The following NOP53 variants were observed in gnomAD, a reference collection of about 807,000 sequenced individuals.
The protein encoded by NOP53 is ribosome biogenesis protein NOP53.
Under a neutral mutation model 61.0 loss-of-function variants are expected in NOP53, and 40 were observed. The ratio of observed to expected loss-of-function variants is 0.66; its 90% CI spans 0.51 to 0.85. The LOEUF is 0.85. Ranked by LOEUF, NOP53 falls within the 40% of genes least tolerant of loss-of-function variation. The pLI is 0.00. For missense variants in NOP53, 689 were observed against 652.9 expected (o/e 1.06, Z -0.60); for synonymous variants, 308 against 289.5 (o/e 1.06, Z -0.65).
At chr19:47,756,043 G>C (rs997641341) in intron 10 of NOP53, 33 of 584,126 alleles carry the variant, frequency 5.6e-5, no homozygotes, top group Non-Finnish European at 9.5e-5. Context: ...TTTCCTTCCA[G>C]CTGGTCCCTG....
At position 47,754,583 on chromosome 19, in the gene NOP53, G is replaced by T. The variant is rs1178616270; in HGVS notation, c.822G>T (p.Lys274Asn). 1.3e-6 allele frequency: 2 copies of T among 1,552,728 alleles called. No homozygotes were observed. Among genetic ancestry groups the T allele is most frequent in the East Asian group, 4.8e-5 (2 of 41,286 alleles). ...TGCAGCGGCAGAAGGAGGCGGAGAA[G>T]CTGGAGCGGCAGCTGGCCCTGCCCG... The part of the protein sequence containing the change: ...VELQRQKEAE[K>N]LERQLALPAT... Residue 274 changes from lysine to asparagine, a missense_variant, in exon 7 of 13, where the codon AAG becomes AAT. By Grantham distance (94) the Lys-to-Asn change is moderately conservative (BLOSUM62 0). Coordinates refer to ENST00000246802, the MANE Select transcript of NOP53 (RefSeq NM_015710.5). This position sits in a 1 kb window ranked among gnomAD's most constrained non-coding sequence, Gnocchi z 4.2.
intron 10 of NOP53, chr19:47,756,141 G>A (rs937669043): frequency 3.9e-5 from 20 of 509,362 alleles, no homozygotes; most frequent in African/African-American, 5.7e-5. Flanking sequence ...ACCTGCTGTG[G>A]CTCCCCAGTG....
Position 47,757,027 on chromosome 19 carries a change from T to C in NOP53, c.*22T>C. The C allele has an allele frequency of 6.2e-7, 1 of 1,613,144 alleles. No individual in the cohort carries two copies. Among genetic ancestry groups the C allele is most frequent in the Non-Finnish European group, 8.5e-7 (1 of 1,179,282 alleles). ...GTAGCTGCCATCAGATGCCGGAGAC[T>C]CGCCCTTCAATAAAAAATCTCTTCT... On this transcript the variant is annotated 3_prime_UTR_variant, in exon 13 of 13. Transcript: ENST00000246802.
In NOP53 at chr19:47,745,630, G is replaced by A. The variant is rs1184762070; in HGVS notation, c.71G>A (p.Gly24Glu). Residue 24 changes from glycine (G) to glutamate (E), a missense_variant, in exon 1 of 13, where the codon GGG becomes GAG. Gly to Glu is a moderately conservative substitution (Grantham distance 98). Transcript: ENST00000246802. ...AGCGATGCCGATTCTGGTTTCCTGG[G>A]GCTGCGGCCCACTTCGGTGGACCCA... ...SKSDADSGFL[G>E]LRPTSVDPAL... The A allele has an allele frequency of 6.2e-7, 1 of 1,614,040 alleles. No individual in the cohort carries two copies. The highest frequency in any genetic ancestry group is 2.2e-5 in the East Asian group (1 of 44,874).
intron 2 of NOP53, among the ~76,000 whole-genome samples, chr19:47,749,153 T>C (rs1474224334): frequency 8.0e-5 from 12 of 150,250 alleles, no homozygotes. Flanking sequence ...GTTACAAGAC[T>C]CTGTCTCAAA....
chr19:47,750,908 C>A lies in NOP53; in HGVS notation c.399C>A (p.Asp133Glu). 1.9e-6 allele frequency: 3 copies of A among 1,582,490 alleles called. No homozygotes were observed. The highest frequency in any genetic ancestry group is 1.7e-6 in the Non-Finnish European group (2 of 1,165,746). ...ENTSKVPAPKDVLAHQVPNAK... is the reference protein window; with the variant it reads ...ENTSKVPAPKEVLAHQVPNAK... ...ACTTGTGCCCCCTCTCCCCGACCAG[C>A]GTCCTCGCCCACCAGGTCCCCAACG... Residue 133 changes from aspartate (D) to glutamate (E), a missense_variant and splice_region_variant, in exon 4 of 13, where the codon GAC (aspartate) becomes GAA (glutamate). Transcript: ENST00000246802.
rs576699220 is a variant in NOP53, at chr19:47,755,106, G to A, written c.1053+215G>A. Among the ~76,000 whole-genome samples, 589 of 152,192 alleles carry A rather than the reference G, an allele frequency of 3.9e-3. 6 individuals are homozygous for A. Among genetic ancestry groups the A allele is most frequent in the African/African-American group, 0.014 (571 of 41,524 alleles). ...GCTGGGGTGGGACAGGGTCCCTGGC[G>A]CTTCTGTTTGAGGGGCGGGGTGGGG... On this transcript the variant is annotated intron_variant, in intron 8 of 12. Coordinates refer to ENST00000246802, the MANE Select transcript of NOP53 (RefSeq NM_015710.5).
chr19:47,746,146 GTGTGTATATA>G, intron 1 of NOP53: 1 of 226,090 alleles, frequency 4.4e-6, no homozygotes, highest in South Asian at 7.9e-5. Context: ...ATGTGTATAT[GTGTGTATATA>G]TATATGTGTA....
chr19:47,750,279 C>T lies in NOP53; in HGVS notation c.391C>T (p.Pro131Ser), dbSNP rs750926337. The change falls in exon 3 of 13, where the codon CCC (proline) becomes TCC (serine). Residue 131 changes from proline to serine, a missense_variant. By Grantham distance (74) the Pro-to-Ser change is moderately conservative. Transcript: ENST00000246802. Reference protein sequence around the residue: ...ILENTSKVPAPKDVLAHQVPN... With the variant: ...ILENTSKVPASKDVLAHQVPN... ...CGAGAACACATCCAAAGTCCCTGCC[C>T]CCAAAGAGTGAGTGTCCCAGCATCC... The T allele has an allele frequency of 6.3e-7, 1 of 1,587,520 alleles. No homozygotes were observed. The highest frequency in any genetic ancestry group is 8.7e-7 in the Non-Finnish European group (1 of 1,155,828).
rs976233078 is a variant in NOP53 at position 47,756,423 on chromosome 19, T to TG, written c.1297-99dup. 18 of 851,534 alleles carry TG rather than the reference T, an allele frequency of 2.1e-5. No homozygotes were observed. In the African/African-American group the frequency reaches 2.5e-4, roughly 12 times the overall value. 52.7% of individuals were successfully genotyped at this position (851,534 alleles called of 1,614,324 possible). On this transcript the variant is annotated intron_variant, in intron 10 of 12. Transcript: ENST00000246802. ...AGTCCCTGGTGCCCACAGGCTGCCC[T>TG]GGGGGGAGACTGCATGGGGCTGAGC...
In NOP53 at chr19:47,756,195, C is replaced by T. The variant is rs1042584542; in HGVS notation, c.1297-333C>T. On this transcript the variant is annotated intron_variant, in intron 10 of 12. Transcript: ENST00000246802. ...TCCTCTGTCAGCCACACGCCTGGGC[C>T]GACCCGGCCGTGGGGCTCCAGCCAG... 66 of 518,688 alleles carry T rather than the reference C, an allele frequency of 1.3e-4. 1 individual carries two copies. The highest frequency in any genetic ancestry group is 1.0e-3 in the Middle Eastern group (2 of 1,910). 32.1% of individuals were successfully genotyped at this position (518,688 alleles called of 1,614,324 possible).
In NOP53 at chr19:47,757,022, G is replaced by A; in HGVS notation, c.*17G>A. 6.2e-7 allele frequency: 1 copy of A among 1,613,618 alleles called. No homozygotes were observed. ...AGGTTGTAGCTGCCATCAGATGCCG[G>A]AGACTCGCCCTTCAATAAAAAATCT... is the stretch of plus-strand genomic sequence containing the variant. On this transcript the variant is annotated 3_prime_UTR_variant, in exon 13 of 13. Transcript: ENST00000246802.
At chr19:47,747,104 T>C in intron 2 of NOP53, 73 bp downstream of exon 2, 1 of 1,205,952 alleles carries the variant, frequency 8.3e-7, no homozygotes, top group Middle Eastern at 1.9e-4. Context: ...CTCTGAGATC[T>C]GTGTTAATGA....
Position 47,754,784 on chromosome 19 carries a change from G to T in NOP53, c.946G>T (p.Gly316Trp). Reference sequence around the variant, plus strand: ...TGAGGGGGAGCCAGGCCAGGGCGAGGGGCCGGAGGCTGGGGATGCCGAGGT... The same window carrying T: ...TGAGGGGGAGCCAGGCCAGGGCGAGTGGCCGGAGGCTGGGGATGCCGAGGT... ...DGEGEPGQGEGPEAGDAEVCP... is the reference protein window; with the variant it reads ...DGEGEPGQGEWPEAGDAEVCP... Residue 316 changes from glycine (G) to tryptophan (W), a missense_variant, in exon 8 of 13, where the codon GGG becomes TGG. Gly to Trp is a radical substitution (Grantham distance 184). Coordinates refer to ENST00000246802, the MANE Select transcript of NOP53 (RefSeq NM_015710.5). The surrounding 1 kb of genome is among the most constrained non-coding windows in gnomAD (Gnocchi z 4.2). 6.6e-7 allele frequency: 1 copy of T among 1,525,768 alleles called. No individual in the cohort carries two copies. Among genetic ancestry groups the T allele is most frequent in the Non-Finnish European group, 8.8e-7 (1 of 1,135,890 alleles). 94.5% of individuals were successfully genotyped at this position (1,525,768 alleles called of 1,614,324 possible).
Position 47,757,002 on chromosome 19 carries a change from G to A in NOP53, c.1434G>A (p.Leu478=), listed in dbSNP as rs1271006196. Residue 478 remains leucine, a synonymous_variant, in exon 13 of 13, where the codon TTG becomes TTA. Coordinates refer to ENST00000246802, the MANE Select transcript of NOP53 (RefSeq NM_015710.5). ...VEKRAFREIQ[L] ...AGCTCCTTTCCTCTGTCCCCAGGTT[G>A]TAGCTGCCATCAGATGCCGGAGACT... 1 of 1,614,048 alleles carries A rather than the reference G, an allele frequency of 6.2e-7. No homozygotes were observed. Among genetic ancestry groups the A allele is most frequent in the Admixed American group, 1.7e-5 (1 of 60,008 alleles).
intron 3 of NOP53, 52 bp downstream of exon 3, chr19:47,750,338 A>G: frequency 8.8e-7 from 1 of 1,141,818 alleles, no homozygotes. Context: ...CTCTGGTCCT[A>G]AAGGGTTTCC....
At position 47,751,453 on chromosome 19, in the gene NOP53, G is replaced by T. The variant is rs58520435; in HGVS notation, c.599-67G>T. Reference sequence around the variant, plus strand: ...ACCTTTTTGAAATGTGGAGGGATTGGGGGGGAGCCTTTGGTGCCTCTTCCA... The same window carrying T: ...ACCTTTTTGAAATGTGGAGGGATTGTGGGGGAGCCTTTGGTGCCTCTTCCA... On this transcript the variant is annotated intron_variant, in intron 4 of 12. Transcript: ENST00000246802. The T allele has an allele frequency of 8.2e-5, 101 of 1,229,552 alleles. No homozygotes were observed. In the Middle Eastern group the frequency reaches 1.7e-3, roughly 21 times the overall value. 76.2% of individuals were successfully genotyped at this position (1,229,552 alleles called of 1,614,324 possible). A position where few individuals can be genotyped will look rare whatever the true frequency, so the allele number is the denominator to read the frequency against.
intron 10 of NOP53, 62 bp from the exon 11 acceptor site, chr19:47,756,466 G>T: frequency 7.3e-7 from 1 of 1,371,064 alleles, no homozygotes; most frequent in South Asian, 1.2e-5. Context: ...GGACCCCGAG[G>T]AGAGGTCCAG....
chr19:47,747,275 G>A lies in NOP53; in HGVS notation c.289+244G>A, dbSNP rs563870110. On this transcript the variant is annotated intron_variant, in intron 2 of 12. Coordinates refer to ENST00000246802, the MANE Select transcript of NOP53 (RefSeq NM_015710.5). Reference sequence around the variant, plus strand: ...TGCACAGATAAGCTGCTGGGAGTCTGCCTTGATGAATAAGTTAGAAACACA... The same window carrying A: ...TGCACAGATAAGCTGCTGGGAGTCTACCTTGATGAATAAGTTAGAAACACA... Among the ~76,000 whole-genome samples, 9 of 152,256 alleles carry A rather than the reference G, an allele frequency of 5.9e-5. No homozygotes were observed. The South Asian group carries it at 1.9e-3, about 32-fold the overall frequency.
Sources: gnomAD v4.1 joint callset for allele counts (sites outside exome capture counted in the v4.1 genomes callset) on GRCh38, gnomAD v4.1.1 for gene constraint, Gnocchi (gnomAD v3.1) non-coding constraint, MANE v1.5 for transcripts, NCBI Gene and HGNC (gene_info 2026-07-23, HGNC 2026-07-21) for gene names.